Variants in SLC4A10 observed in about 807,000 individuals in gnomAD.
SLC4A10 encodes the protein solute carrier family 4 member 10, also known as sodium-driven chloride bicarbonate exchanger.
Under a neutral mutation model 137.7 loss-of-function variants are expected in SLC4A10, and 42 were observed. That is an observed-to-expected ratio of 0.30 (90% CI 0.24 to 0.39). The LOEUF is 0.39. Among genes scored for constraint, SLC4A10 ranks in the 10% least tolerant of loss-of-function variants. The probability of loss-of-function intolerance (pLI) is 1.00; values close to 1 mark genes in which losing one functional copy is unlikely to be tolerated. For missense variants in SLC4A10, 925 were observed against 1,355.0 expected, an observed-to-expected ratio of 0.68 and a Z score of 4.98; for synonymous variants, 474 against 464.1, an observed-to-expected ratio of 1.02 and a Z score of -0.27.
rs560594791 is a variant in SLC4A10 at position 161,771,788 on chromosome 2, T to A, written c.130+734T>A. Among the ~76,000 whole-genome samples, 3 of 152,040 alleles carry A rather than the reference T, an allele frequency of 2.0e-5. No homozygotes were observed. The East Asian group carries it at 5.8e-4, about 29-fold the overall frequency. On this transcript the variant is annotated intron_variant, in intron 2 of 26. Coordinates refer to ENST00000446997, the MANE Select transcript of SLC4A10 (RefSeq NM_001178015.2). The stretch of plus-strand genomic sequence containing the variant: ...ACCAACATTTAGTGTACATACAGGA[T>A]TAGCTAATTGTTACTAATGAGAAAT...
At chr2:161,903,818 G>A (rs2105326336) in intron 12 of SLC4A10, among the ~76,000 whole-genome samples, 186 bp from the exon 13 acceptor site, 1 of 152,238 alleles carries the variant, frequency 6.6e-6, no homozygotes, top group South Asian at 2.1e-4. Flanking sequence ...TAGGAATTGA[G>A]GTAACGAACG....
chr2:161,910,419 T>A (rs1357276504), intron 15 of SLC4A10, among the ~76,000 whole-genome samples: 1 of 152,114 alleles, frequency 6.6e-6, no homozygotes, highest in Non-Finnish European at 1.5e-5. Context: ...AAAACAAGTT[T>A]ATGGGAATAA....
chr2:161,839,472 G>T (rs2059038281), intron 3 of SLC4A10, among the ~76,000 whole-genome samples: 1 of 151,970 alleles, frequency 6.6e-6, no homozygotes, highest in African/African-American at 2.4e-5. Context: ...ATGTGTCTGA[G>T]AAATAGAAAT....
chr2:161,884,997 G>A (rs1167989125), intron 10 of SLC4A10, among the ~76,000 whole-genome samples: 1 of 152,056 alleles, frequency 6.6e-6, no homozygotes, highest in African/African-American at 2.4e-5. Context: ...GGCCAACATG[G>A]TGAAACCTCG....
At chr2:161,816,480 C>CT (rs61326266) in intron 3 of SLC4A10, among the ~76,000 whole-genome samples, 9,851 of 151,536 alleles carry the variant, frequency 0.065, 406 homozygotes, top group East Asian at 0.15. Flanking sequence ...TTTGGGCACT[C>CT]TTTTTTTTAT....
At chr2:161,913,281 A>G (rs142133094) in intron 15 of SLC4A10, among the ~76,000 whole-genome samples, 23 of 152,306 alleles carry the variant, frequency 1.5e-4, no homozygotes, top group African/African-American at 5.3e-4. Context: ...TTTCTCAACC[A>G]CTAATACACA....
intron 2 of SLC4A10, among the ~76,000 whole-genome samples, chr2:161,803,910 G>T (rs2055640377): frequency 1.3e-5 from 2 of 152,138 alleles, no homozygotes; most frequent in Admixed American, 1.3e-4. Flanking sequence ...CAATATGCCA[G>T]AGTCGAAACT....
intron 2 of SLC4A10, among the ~76,000 whole-genome samples, chr2:161,780,461 C>T (rs1431608410): frequency 6.6e-6 from 1 of 151,988 alleles, no homozygotes; most frequent in Non-Finnish European, 1.5e-5. Context: ...GCACTCTAAA[C>T]AGGGCTTTCA....
intron 1 of SLC4A10, among the ~76,000 whole-genome samples, chr2:161,647,663 T>G (rs1278917361): frequency 6.6e-6 from 1 of 152,194 alleles, no homozygotes. Context: ...AAAACTAGGT[T>G]GACTGAGCTA....
At chr2:161,812,166 C>T (rs2056616204) in intron 3 of SLC4A10, among the ~76,000 whole-genome samples, 1 of 151,826 alleles carries the variant, frequency 6.6e-6, no homozygotes, top group Non-Finnish European at 1.5e-5. Context: ...TTCTGTGTCC[C>T]TTAATGAAGA....
At chr2:161,795,188 C>T (rs62190669) in intron 2 of SLC4A10, among the ~76,000 whole-genome samples, 10,102 of 152,064 alleles carry the variant, frequency 0.066, 441 homozygotes, top group East Asian at 0.15. Flanking sequence ...CCTTACAGGC[C>T]TCTCTCCTCT....
chr2:161,823,686 A>G (rs1166835582), intron 3 of SLC4A10, among the ~76,000 whole-genome samples: 1 of 152,240 alleles, frequency 6.6e-6, no homozygotes, highest in East Asian at 1.9e-4. Context: ...AAAAAGATGC[A>G]GAAACTTATC....
intron 8 of SLC4A10, 38 bp from the exon 9 acceptor site, chr2:161,879,093 A>G: frequency 6.2e-7 from 1 of 1,602,002 alleles, no homozygotes; most frequent in Non-Finnish European, 8.5e-7. Context: ...AGATTTTTCC[A>G]ATTTTGATTT....
rs544408271 is a variant in SLC4A10 at position 161,850,038 on chromosome 2, T to G, written c.417-4932T>G. Reference sequence around the variant, plus strand: ...CCAAGGCTTTTTTCTGGTTGATAGGTTTTTTTTATTACTGATTCAAGTTTG... The same window carrying G: ...CCAAGGCTTTTTTCTGGTTGATAGGGTTTTTTTATTACTGATTCAAGTTTG... On this transcript the variant is annotated intron_variant, in intron 4 of 26. Coordinates refer to ENST00000446997, the MANE Select transcript of SLC4A10 (RefSeq NM_001178015.2). Among the ~76,000 whole-genome samples the G allele has an allele frequency of 4.6e-5, 7 of 152,042 alleles. No homozygotes were observed. The South Asian group carries it at 1.5e-3, about 32-fold the overall frequency.
At chr2:161,975,854 G>A (rs1699307052) in intron 24 of SLC4A10, among the ~76,000 whole-genome samples, 1 of 152,216 alleles carries the variant, frequency 6.6e-6, no homozygotes, top group African/African-American at 2.4e-5. Context: ...ACAGTCAGGA[G>A]GCTACTGAAA....
intron 1 of SLC4A10, among the ~76,000 whole-genome samples, chr2:161,636,220 TGTATAA>T (rs1238001126): frequency 6.6e-6 from 1 of 152,158 alleles, no homozygotes; most frequent in Admixed American, 6.6e-5. Context: ...GAAGACCTCT[TGTATAA>T]GTGAGATCAT....
At chr2:161,648,683 C>T (rs886288779) in intron 1 of SLC4A10, among the ~76,000 whole-genome samples, 1 of 152,152 alleles carries the variant, frequency 6.6e-6, no homozygotes, top group Non-Finnish European at 1.5e-5. Context: ...CTGGCATGTA[C>T]CCAGGGATAA....
rs144290008 is a variant in SLC4A10, at chr2:161,680,530, T to C, written c.48+55964T>C. Among the ~76,000 whole-genome samples the C allele has an allele frequency of 6.1e-3, 920 of 151,864 alleles. 12 individuals carry two copies. Among genetic ancestry groups the C allele is most frequent in the African/African-American group, 0.021 (888 of 41,418 alleles). ...AGAATATGGGAGTAAAGGCTGAAAATGTGGGATGAGGTCAGATTACGGAGG... is the reference window on the plus strand; with the variant it reads ...AGAATATGGGAGTAAAGGCTGAAAACGTGGGATGAGGTCAGATTACGGAGG... On this transcript the variant is annotated intron_variant, in intron 1 of 26. Coordinates refer to ENST00000446997, the MANE Select transcript of SLC4A10 (RefSeq NM_001178015.2).
At chr2:161,926,260 G>C (rs1164343146) in intron 15 of SLC4A10, among the ~76,000 whole-genome samples, 1 of 149,346 alleles carries the variant, frequency 6.7e-6, no homozygotes, top group Non-Finnish European at 1.5e-5. Context: ...TATATATTTA[G>C]GATAGTTAGC....
Sources: gnomAD v4.1 joint callset for allele counts (sites outside exome capture counted in the v4.1 genomes callset) on GRCh38, gnomAD v4.1.1 for gene constraint, MANE v1.5 for transcripts, NCBI Gene and HGNC (gene_info 2026-07-23, HGNC 2026-07-21) for gene names.